TMEM260: variants seen among roughly 807,000 people sequenced by gnomAD.
TMEM260 encodes the protein transmembrane protein 260.
Under a neutral mutation model 88.9 loss-of-function variants are expected in TMEM260, and 82 were observed. The observed-to-expected ratio is 0.92, with a 90% CI of 0.77 to 1.11. The LOEUF (loss-of-function observed/expected upper bound fraction) is 1.11. Among genes scored for constraint, TMEM260 ranks in the 50% least tolerant of loss-of-function variants. The pLI, the probability that TMEM260 is intolerant of heterozygous loss-of-function variation, is 0.00. For missense variants in TMEM260, 902 were observed against 853.4 expected, an observed-to-expected ratio of 1.06 and a Z score of -0.71; for synonymous variants, 314 against 309.3, an observed-to-expected ratio of 1.02 and a Z score of -0.16.
At chr14:56,583,812 G>A (rs1349041090) in intron 1 of TMEM260, among the ~76,000 whole-genome samples, 1 of 152,154 alleles carries the variant, frequency 6.6e-6, no homozygotes, top group East Asian at 1.9e-4. Context: ...GACCACTCCA[G>A]AGAAACAGTG....
intron 3 of TMEM260, 151 bp downstream of exon 3, chr14:56,586,063 A>T: frequency 3.5e-6 from 3 of 850,226 alleles, no homozygotes; most frequent in Non-Finnish European, 5.3e-6. Flanking sequence ...TTTCATATGC[A>T]TTTGACCCCT....
intron 8 of TMEM260, chr14:56,616,305 A>T (rs900743526): frequency 4.0e-6 from 1 of 250,574 alleles, no homozygotes; most frequent in Admixed American, 5.2e-5. Flanking sequence ...ATAACCGATT[A>T]TTATTGCTGA....
the TMEM260 span, among the ~76,000 whole-genome samples, chr14:56,657,342 A>G: frequency 2.6e-5 from 4 of 152,118 alleles, no homozygotes; most frequent in Non-Finnish European, 4.4e-5. Context: ...GAGGTCTTCT[A>G]TGTTGCCCCG....
Position 56,603,863 on chromosome 14 carries a change from A to T in TMEM260, c.393A>T (p.Ser131=). The change falls in exon 4 of 16, where the codon TCA becomes TCT. Residue 131 remains serine, a synonymous_variant. Transcript: ENST00000261556. ...AGGILAAGVF[S]FSRLTWQWSI... ...GAATCCTTGCTGCGGGGGTGTTTTC[A>T]TTTTCTCGTCTAACATGGCAGTGGT... 6.2e-7 allele frequency: 1 copy of T among 1,613,732 alleles called. No individual in the cohort carries two copies. The highest frequency in any genetic ancestry group is 1.1e-5 in the South Asian group (1 of 91,058).
intron 3 of TMEM260, among the ~76,000 whole-genome samples, chr14:56,586,357 G>T (rs1885503003): frequency 6.6e-6 from 1 of 152,078 alleles, no homozygotes; most frequent in South Asian, 2.1e-4. Flanking sequence ...CTGAAATAAG[G>T]ATATTAACTA....
rs1019710289 is a variant in TMEM260 at position 56,579,824 on chromosome 14, A to C, written c.-91A>C. On this transcript the variant is annotated 5_prime_UTR_variant, in exon 1 of 16. Transcript: ENST00000261556. ...ACCCGGAAGCCGCCGTGGCCGCCGC[A>C]CAAGCTGCGCTCGTCTCTCGGCTGG... 1 of 1,173,996 alleles carries C rather than the reference A, an allele frequency of 8.5e-7. No individual in the cohort carries two copies. The highest frequency in any genetic ancestry group is 1.1e-6 in the Non-Finnish European group (1 of 936,268). 72.7% of individuals were successfully genotyped at this position (1,173,996 alleles called of 1,614,324 possible). A position where few individuals can be genotyped will look rare whatever the true frequency, so the allele number is the denominator to read the frequency against.
Position 56,616,040 on chromosome 14 carries a change from A to C in TMEM260, c.941+13A>C. Reference sequence around the variant, plus strand: ...GTTTAGCAACAAAGTAAGTAATACAATTCCTTTTTCTGTTATTTTTCTATG... The same window carrying C: ...GTTTAGCAACAAAGTAAGTAATACACTTCCTTTTTCTGTTATTTTTCTATG... On this transcript the variant is annotated intron_variant, in intron 8 of 15. Coordinates refer to ENST00000261556, the MANE Select transcript of TMEM260 (RefSeq NM_017799.4). The C allele has an allele frequency of 1.3e-6, 2 of 1,576,758 alleles. No homozygotes were observed. Among genetic ancestry groups the C allele is most frequent in the Non-Finnish European group, 1.7e-6 (2 of 1,147,070 alleles).
intron 10 of TMEM260, among the ~76,000 whole-genome samples, chr14:56,620,902 A>C (rs892371547): frequency 7.9e-5 from 12 of 152,158 alleles, no homozygotes; most frequent in African/African-American, 2.9e-4. Flanking sequence ...ATTCTTGAAA[A>C]GAATGAAGTT....
chr14:56,643,180 T>G (rs1889723222), intron 15 of TMEM260, among the ~76,000 whole-genome samples: 1 of 152,208 alleles, frequency 6.6e-6, no homozygotes, highest in Non-Finnish European at 1.5e-5. Context: ...AGCATCATCC[T>G]GATACCAAAG....
chr14:56,653,920 A>C (rs544468497), downstream of TMEM260, among the ~76,000 whole-genome samples: 30 of 152,270 alleles, frequency 2.0e-4, no homozygotes, highest in African/African-American at 6.0e-4. Context: ...TTCTTGGCTC[A>C]ACCTGGTACA....
At position 56,621,718 on chromosome 14, in the gene TMEM260, A is replaced by G. The variant is rs1160629010; in HGVS notation, c.1398+16A>G. The G allele has an allele frequency of 4.4e-6, 7 of 1,590,270 alleles. No homozygotes were observed. Among genetic ancestry groups the G allele is most frequent in the Non-Finnish European group, 6.0e-6 (7 of 1,170,456 alleles). ...GGATCAGGAAGTAAGTATATGAAAA[A>G]TATACTTAGAATATAGCGATGATTT... is the stretch of plus-strand genomic sequence containing the variant. On this transcript the variant is annotated intron_variant, in intron 11 of 15. Transcript: ENST00000261556.
intron 1 of TMEM260, among the ~76,000 whole-genome samples, chr14:56,582,361 G>A (rs924562001): frequency 2.6e-5 from 4 of 152,098 alleles, no homozygotes; most frequent in African/African-American, 9.7e-5. Context: ...TTTCGGGGAG[G>A]GGGTAGGAAT....
Position 56,605,656 on chromosome 14 carries a change from G to C in TMEM260, c.609G>C (p.Trp203Cys). The C allele has an allele frequency of 1.3e-6, 2 of 1,579,626 alleles. No homozygotes were observed. The highest frequency in any genetic ancestry group is 4.6e-5 in the East Asian group (2 of 43,674). Residue 203 changes from tryptophan to cysteine, a missense_variant, in exon 5 of 16, where the codon TGG (tryptophan) becomes TGC (cysteine). Transcript: ENST00000261556. The part of the protein sequence containing the change: ...IILYVLCIIP[W>C]ILFQLLKKKE... The stretch of plus-strand genomic sequence containing the variant: ...TCTATGTTTTGTGCATAATACCTTG[G>C]ATTCTCTTTCAACTTTTAAAAAAGA...
chr14:56,606,842 C>G (rs1886938836), intron 5 of TMEM260, among the ~76,000 whole-genome samples: 2 of 152,180 alleles, frequency 1.3e-5, no homozygotes, highest in African/African-American at 4.8e-5. Flanking sequence ...TTGCAGTGAG[C>G]CGATATCGCG....
chr14:56,616,220 A>C, intron 8 of TMEM260, 193 bp downstream of exon 8: 1 of 501,238 alleles, frequency 2.0e-6, no homozygotes, highest in Non-Finnish European at 3.5e-6. Flanking sequence ...ATTTCAAGAA[A>C]TTGAGCATTA....
rs181788612 is a variant in TMEM260, at chr14:56,621,518, T to A, written c.1227-13T>A. ...GTGTTGCTATTTTAATTTTTTTGGA[T>A]CCTTTTATTTAGTGTTTGTGACCAA... On this transcript the variant is annotated splice_polypyrimidine_tract_variant and intron_variant, in intron 10 of 15. Coordinates refer to ENST00000261556, the MANE Select transcript of TMEM260 (RefSeq NM_017799.4). 279 of 1,580,298 alleles carry A rather than the reference T, an allele frequency of 1.8e-4. 3 individuals carry two copies. The African/African-American group carries it at 3.4e-3, about 19-fold the overall frequency.
At chr14:56,618,109 G>A (rs534430279) in intron 9 of TMEM260, among the ~76,000 whole-genome samples, 85 of 152,202 alleles carry the variant, frequency 5.6e-4, no homozygotes, top group Non-Finnish European at 5.4e-4. Flanking sequence ...AGTGCTTCCT[G>A]TGGGTAGCTC....
chr14:56,643,849 ATT>A (rs1889775882), intron 15 of TMEM260, among the ~76,000 whole-genome samples: 1 of 152,236 alleles, frequency 6.6e-6, no homozygotes, highest in African/African-American at 2.4e-5. Flanking sequence ...AATCACAAGC[ATT>A]CTTATACACC....
At position 56,647,296 on chromosome 14, in the gene TMEM260, G is replaced by C; in HGVS notation, c.1923G>C (p.Lys641Asn). 1 of 1,614,072 alleles carries C rather than the reference G, an allele frequency of 6.2e-7. No individual in the cohort carries two copies. Among genetic ancestry groups the C allele is most frequent in the Non-Finnish European group, 8.5e-7 (1 of 1,179,990 alleles). Residue 641 changes from lysine to asparagine, a missense_variant, in exon 16 of 16, where the codon AAG becomes AAC. Physicochemically the swap from Lys to Asn is moderately conservative, Grantham distance 94. Transcript: ENST00000261556. ...AGGAGCACCCAGTGAATTGGCACAA[G>C]AACTATGCCATCGCCTGTGAGCGGA... Reference protein sequence around the residue: ...LQKEHPVNWHKNYAIACERML... With the variant: ...LQKEHPVNWHNNYAIACERML...
Sources: gnomAD v4.1 joint callset for allele counts (sites outside exome capture counted in the v4.1 genomes callset) on GRCh38, gnomAD v4.1.1 for gene constraint, MANE v1.5 for transcripts, NCBI Gene and HGNC (gene_info 2026-07-23, HGNC 2026-07-21) for gene names.